LRP1B: variants seen among roughly 807,000 people sequenced by gnomAD.
The protein encoded by LRP1B is LDL receptor related protein 1B, also known as low-density lipoprotein receptor-related protein 1B.
Under a neutral mutation model 556.6 loss-of-function variants are expected in LRP1B, and 217 were observed. The ratio of observed to expected loss-of-function variants is 0.39; its 90% CI spans 0.35 to 0.44. LRP1B has a LOEUF of 0.44. LRP1B is among the 20% of genes least tolerant of loss of function. The pLI is 1.00. For synonymous variants in LRP1B, 2,047 were observed against 1,865.8 expected (o/e 1.10, Z -2.50); for missense variants, 5,053 against 5,620.8 (o/e 0.90, Z 3.23).
intron 41 of LRP1B, among the ~76,000 whole-genome samples, chr2:140,654,024 T>TAAA: frequency 3.1e-5 from 1 of 32,590 alleles, no homozygotes; most frequent in Non-Finnish European, 4.8e-5. Context: ...AGACTCCATC[T>TAAA]CAAAAAAAAA....
intron 32 of LRP1B, among the ~76,000 whole-genome samples, chr2:140,777,343 A>G (rs1341775106): frequency 6.6e-6 from 1 of 152,208 alleles, no homozygotes; most frequent in Non-Finnish European, 1.5e-5. Context: ...CTTTTCTAAG[A>G]TACTCAGTGA....
chr2:141,502,860 A>AT, intron 2 of LRP1B, among the ~76,000 whole-genome samples: 1 of 145,826 alleles, frequency 6.9e-6, no homozygotes, highest in East Asian at 2.0e-4. Flanking sequence ...CCCGTCTCAA[A>AT]AAATAAAAAA....
At chr2:141,372,869 C>A (rs1476330191) in intron 3 of LRP1B, among the ~76,000 whole-genome samples, 5 of 151,860 alleles carry the variant, frequency 3.3e-5, no homozygotes, top group Non-Finnish European at 1.5e-5. Flanking sequence ...CTCTTTAATT[C>A]TCCTCTGACG....
At chr2:140,469,584 C>T (rs1687681853) in intron 60 of LRP1B, among the ~76,000 whole-genome samples, 1 of 152,146 alleles carries the variant, frequency 6.6e-6, no homozygotes, top group African/African-American at 2.4e-5. Flanking sequence ...TAATTATATT[C>T]TAGTGGCTTT....
intron 3 of LRP1B, among the ~76,000 whole-genome samples, chr2:141,446,459 T>C (rs1266351415): frequency 6.6e-6 from 1 of 152,206 alleles, no homozygotes; most frequent in Non-Finnish European, 1.5e-5. Context: ...ATTATGATGC[T>C]AGCTGGTTAT....
chr2:140,550,105 C>T (rs6430920), intron 43 of LRP1B, among the ~76,000 whole-genome samples: 65,388 of 151,658 alleles, frequency 0.43, 14,804 homozygotes, highest in East Asian at 0.58. Flanking sequence ...GAACGTGAGT[C>T]GTTGTGAGTT....
intron 3 of LRP1B, among the ~76,000 whole-genome samples, chr2:141,294,643 G>T (rs1686111734): frequency 6.6e-6 from 1 of 151,748 alleles, no homozygotes; most frequent in African/African-American, 2.4e-5. Flanking sequence ...AAAAGGCTGA[G>T]GTGGGGGGAT....
chr2:140,961,387 A>G (rs761675330), intron 18 of LRP1B, among the ~76,000 whole-genome samples: 16 of 152,168 alleles, frequency 1.1e-4, no homozygotes, highest in East Asian at 5.8e-4. Context: ...AATAGCTTCC[A>G]AAGAAAGAAT....
At chr2:141,540,545 G>C (rs184157402) in intron 2 of LRP1B, among the ~76,000 whole-genome samples, 1 of 152,058 alleles carries the variant, frequency 6.6e-6, no homozygotes, top group East Asian at 1.9e-4. Context: ...CTCATAGAAA[G>C]CCAGAGACTT....
chr2:141,065,109 C>T (rs559180925), intron 7 of LRP1B, among the ~76,000 whole-genome samples: 2 of 151,986 alleles, frequency 1.3e-5, no homozygotes, highest in African/African-American at 4.8e-5. Flanking sequence ...TTCAAACTCA[C>T]ACAAAATTTT....
At chr2:140,963,026 A>AT (rs1696084057) in intron 18 of LRP1B, among the ~76,000 whole-genome samples, 2 of 152,330 alleles carry the variant, frequency 1.3e-5, no homozygotes, top group Non-Finnish European at 2.9e-5. Flanking sequence ...GTAATGAAAT[A>AT]TTTTGACATC....
intron 7 of LRP1B, among the ~76,000 whole-genome samples, chr2:141,182,167 A>G (rs909796121): frequency 1.3e-5 from 2 of 152,038 alleles, no homozygotes; most frequent in African/African-American, 4.8e-5. Context: ...TCATCCAAAA[A>G]AAGATAGTAG....
intron 7 of LRP1B, among the ~76,000 whole-genome samples, chr2:141,114,915 A>G (rs1459083312): frequency 6.6e-6 from 1 of 152,130 alleles, no homozygotes; most frequent in Non-Finnish European, 1.5e-5. Flanking sequence ...GGGGCATGCC[A>G]AAGCTCTCCT....
intron 45 of LRP1B, 73 bp downstream of exon 45, chr2:140,540,900 T>C: frequency 6.7e-7 from 1 of 1,488,074 alleles, no homozygotes. Context: ...ATGAATACAC[T>C]AACACAATTT....
chr2:141,923,968 C>T (rs1295425616), intron 1 of LRP1B, among the ~76,000 whole-genome samples: 1 of 151,936 alleles, frequency 6.6e-6, no homozygotes, highest in East Asian at 2.0e-4. Context: ...ATAGGAAAAG[C>T]ATGCTATTGA....
At chr2:140,624,814 T>G (rs1050675376) in intron 41 of LRP1B, among the ~76,000 whole-genome samples, 1 of 152,304 alleles carries the variant, frequency 6.6e-6, no homozygotes, top group East Asian at 1.9e-4. Flanking sequence ...AAATACTAAT[T>G]GCAAAAGATA....
chr2:140,499,568 C>G (rs932872285), intron 55 of LRP1B, among the ~76,000 whole-genome samples: 2 of 151,758 alleles, frequency 1.3e-5, no homozygotes, highest in African/African-American at 4.8e-5. Flanking sequence ...CTATATGGTA[C>G]AGGCCATCAT....
chr2:141,253,873 C>A (rs1245763840), intron 4 of LRP1B, among the ~76,000 whole-genome samples: 1 of 142,252 alleles, frequency 7.0e-6, no homozygotes, highest in Non-Finnish European at 1.6e-5. Context: ...TAGATAGATT[C>A]TAAGTATCAT....
At chr2:141,467,003 A>G (rs1267899859) in intron 3 of LRP1B, among the ~76,000 whole-genome samples, 1 of 148,366 alleles carries the variant, frequency 6.7e-6, no homozygotes, top group East Asian at 2.0e-4. Flanking sequence ...ACTATCCTTT[A>G]TGGACATTTA....
Sources: allele counts gnomAD v4.1 joint callset (sites outside exome capture counted in the v4.1 genomes callset), GRCh38; gene constraint gnomAD v4.1.1; transcripts MANE v1.5; gene names NCBI Gene and HGNC (gene_info 2026-07-23, HGNC 2026-07-21).